CNOT4: variants seen among roughly 807,000 people sequenced by gnomAD.
CNOT4 encodes the protein CCR4-NOT transcription complex subunit 4, also known as CCR4-associated factor 4.
CNOT4 carries 8 observed loss-of-function variants against 73.8 expected under a neutral mutation model. The observed-to-expected ratio is 0.11, with a 90% confidence interval of 0.06 to 0.20. The LOEUF is 0.20. Among genes scored for constraint, CNOT4 ranks in the 10% least tolerant of loss-of-function variants. CNOT4 has a pLI of 1.00. For synonymous variants in CNOT4, 293 were observed against 321.1 expected (o/e 0.91, Z 0.94); for missense variants, 564 against 883.4 (o/e 0.64, Z 4.58).
chr7:135,370,457 C>T (rs897345773), intron 10 of CNOT4, among the ~76,000 whole-genome samples: 3 of 152,138 alleles, frequency 2.0e-5, no homozygotes, highest in East Asian at 1.9e-4. Flanking sequence ...TTCCAAAAGT[C>T]GAAGTCTCTT....
chr7:135,420,276 A>T (rs1798108292), intron 3 of CNOT4, among the ~76,000 whole-genome samples: 1 of 151,988 alleles, frequency 6.6e-6, no homozygotes, highest in Admixed American at 6.6e-5. Context: ...GCACGTCAGA[A>T]ACGTGAAAGT....
intron 1 of CNOT4, among the ~76,000 whole-genome samples, chr7:135,494,078 A>C (rs1399929122): frequency 6.6e-6 from 1 of 152,002 alleles, no homozygotes; most frequent in African/African-American, 2.4e-5. Flanking sequence ...AAAAAAAAAA[A>C]AAAACTCAGA....
chr7:135,445,288 A>G (rs1423834102), intron 1 of CNOT4, among the ~76,000 whole-genome samples: 4 of 152,226 alleles, frequency 2.6e-5, no homozygotes, highest in African/African-American at 9.6e-5. Context: ...TCAAACTTCC[A>G]TATTTGCCCT....
intron 2 of CNOT4, among the ~76,000 whole-genome samples, chr7:135,422,908 A>T (rs2129484565): frequency 6.6e-6 from 1 of 152,176 alleles, no homozygotes; most frequent in East Asian, 1.9e-4. Flanking sequence ...TACCATTTTC[A>T]TTCCTACTAC....
chr7:135,424,489 T>C (rs1217651555), intron 2 of CNOT4, among the ~76,000 whole-genome samples: 5 of 152,144 alleles, frequency 3.3e-5, no homozygotes, highest in Non-Finnish European at 7.4e-5. Context: ...GTGTTTACAA[T>C]TAAGTTCATT....
At chr7:135,482,335 T>A (rs959831020) in intron 1 of CNOT4, among the ~76,000 whole-genome samples, 1 of 149,008 alleles carries the variant, frequency 6.7e-6, no homozygotes, top group South Asian at 2.2e-4. Context: ...GCAGGAGGGT[T>A]GCTTGAGCCC....
At chr7:135,394,838 T>G (rs1033784201) in intron 9 of CNOT4, among the ~76,000 whole-genome samples, 2 of 152,188 alleles carry the variant, frequency 1.3e-5, no homozygotes, top group Non-Finnish European at 2.9e-5. Flanking sequence ...AAAAATATAA[T>G]TTAATTAAAA....
intron 1 of CNOT4, among the ~76,000 whole-genome samples, chr7:135,443,587 T>C (rs1799624513): frequency 2.0e-5 from 3 of 152,044 alleles, no homozygotes. Flanking sequence ...GCCCAAAGAA[T>C]AAAACGACAT....
chr7:135,462,390 C>T (rs1278500465), intron 1 of CNOT4, among the ~76,000 whole-genome samples: 1 of 152,090 alleles, frequency 6.6e-6, no homozygotes, highest in Non-Finnish European at 1.5e-5. Flanking sequence ...TTCTGGTCTA[C>T]TCTAAAAGGT....
chr7:135,472,622 C>T (rs1188772419), intron 1 of CNOT4, among the ~76,000 whole-genome samples: 1 of 133,202 alleles, frequency 7.5e-6, no homozygotes. Context: ...CGAATTGTCC[C>T]TAAGAGATAA....
Position 135,362,438 on chromosome 7 carries a change from CT to C in CNOT4, c.*446del, listed in dbSNP as rs1794688926. On this transcript the variant is annotated 3_prime_UTR_variant, in exon 12 of 12. Transcript: ENST00000541284. ...TACAAGATGGATGCTAGGACCACTG[CT>C]TTCCCCCATGCATTTAGCAATCTCA... 10 of 281,710 alleles carry C rather than the reference CT, an allele frequency of 3.5e-5. No individual in the cohort carries two copies. In the South Asian group the frequency reaches 3.7e-4, roughly 10 times the overall value. 17.5% of individuals were successfully genotyped at this position (281,710 alleles called of 1,614,324 possible).
intron 2 of CNOT4, among the ~76,000 whole-genome samples, chr7:135,424,465 T>C (rs1798378452): frequency 6.6e-6 from 1 of 152,272 alleles, no homozygotes; most frequent in Non-Finnish European, 1.5e-5. Flanking sequence ...ATTCCTGGGG[T>C]AGTTCCTTCT....
intron 1 of CNOT4, among the ~76,000 whole-genome samples, chr7:135,469,651 T>A (rs887005669): frequency 3.3e-5 from 5 of 152,180 alleles, no homozygotes; most frequent in African/African-American, 4.8e-5. Flanking sequence ...TTCCCCTCTA[T>A]CACTATGGTC....
chr7:135,406,585 T>C (rs1267549605), intron 7 of CNOT4, among the ~76,000 whole-genome samples: 1 of 152,060 alleles, frequency 6.6e-6, no homozygotes, highest in Non-Finnish European at 1.5e-5. Context: ...CGTTTGAGCC[T>C]GGGAGGTCAA....
intron 1 of CNOT4, among the ~76,000 whole-genome samples, chr7:135,472,405 A>C (rs553137279): frequency 7.2e-6 from 1 of 139,356 alleles, no homozygotes; most frequent in East Asian, 2.3e-4. Context: ...TGAACCTGGG[A>C]CGCGGAGCTT....
intron 1 of CNOT4, among the ~76,000 whole-genome samples, chr7:135,478,677 T>G (rs1223560692): frequency 6.6e-6 from 1 of 152,166 alleles, no homozygotes; most frequent in Non-Finnish European, 1.5e-5. Context: ...CACTTCAGCC[T>G]GGGTGACAGA....
At chr7:135,492,658 G>A (rs1803191767) in intron 1 of CNOT4, among the ~76,000 whole-genome samples, 2 of 152,206 alleles carry the variant, frequency 1.3e-5, no homozygotes. Flanking sequence ...GAGGCCAGGT[G>A]TGGTGGCTCA....
intron 1 of CNOT4, among the ~76,000 whole-genome samples, chr7:135,485,824 A>G (rs1295452409): frequency 6.6e-6 from 1 of 152,216 alleles, no homozygotes; most frequent in African/African-American, 2.4e-5. Context: ...TAAAAGTATA[A>G]AACTTTTAGG....
intron 1 of CNOT4, among the ~76,000 whole-genome samples, chr7:135,479,998 A>G (rs1802263861): frequency 6.6e-6 from 1 of 152,230 alleles, no homozygotes; most frequent in African/African-American, 2.4e-5. Context: ...AGAAACATTA[A>G]AAGTACAAAC....
Sources: gnomAD v4.1 joint callset for allele counts (sites outside exome capture counted in the v4.1 genomes callset) on GRCh38, gnomAD v4.1.1 for gene constraint, MANE v1.5 for transcripts, NCBI Gene and HGNC (gene_info 2026-07-23, HGNC 2026-07-21) for gene names.